The following COL6A5 variants were observed in gnomAD, a reference collection of about 807,000 sequenced individuals.
The protein encoded by COL6A5 is collagen type VI alpha 5 chain, also known as collagen alpha-5(VI) chain.
COL6A5 carries 48 observed loss-of-function variants against 65.6 expected under a neutral mutation model. The ratio of observed to expected loss-of-function variants is 0.73; its 90% CI spans 0.58 to 0.93. The LOEUF is 0.93. Ranked by LOEUF, COL6A5 falls within the 40% of genes least tolerant of loss-of-function variation. The pLI, the probability that COL6A5 is intolerant of heterozygous loss-of-function variation, is 0.00. For synonymous variants in COL6A5, 291 were observed against 322.8 expected, an observed-to-expected ratio of 0.90 and a Z score of 1.05; for missense variants, 914 against 928.3, an observed-to-expected ratio of 0.98 and a Z score of 0.20.
chr3:130,446,201 A>G (rs556261003), intron 4 of COL6A5, among the ~76,000 whole-genome samples: 26 of 152,286 alleles, frequency 1.7e-4, no homozygotes, highest in Admixed American at 1.4e-3. Context: ...CTGGTTGAGC[A>G]GGGCAATGGT....
intron 28 of COL6A5, 135 bp from the exon 29 acceptor site, chr3:130,423,703 A>G (rs1937553700): frequency 1.7e-6 from 1 of 578,686 alleles, no homozygotes; most frequent in Non-Finnish European, 3.0e-6. Context: ...ACAAGTAAGC[A>G]ATTTACCTGA....
intron 5 of COL6A5, among the ~76,000 whole-genome samples, chr3:130,467,658 C>A (rs951370277): frequency 1.3e-5 from 2 of 152,020 alleles, no homozygotes; most frequent in African/African-American, 4.8e-5. Context: ...CAAAAATTAT[C>A]TAATATAGCA....
At chr3:130,450,521 T>C (rs1709408391) in intron 4 of COL6A5, among the ~76,000 whole-genome samples, 2 of 152,152 alleles carry the variant, frequency 1.3e-5, no homozygotes, top group South Asian at 4.1e-4. Context: ...TTTGTGGGTG[T>C]CTGATCCAAT....
intron 1 of COL6A5, among the ~76,000 whole-genome samples, chr3:130,372,844 A>G (rs1269530204): frequency 6.6e-6 from 1 of 152,188 alleles, no homozygotes; most frequent in Non-Finnish European, 1.5e-5. Flanking sequence ...AAGGACTCTA[A>G]AAATCAGCCC....
At chr3:130,385,037 A>C (rs1936134613) in exon 5 of COL6A5, 2 of 1,550,798 alleles carry the variant, frequency 1.3e-6, no homozygotes, top group Non-Finnish European at 1.7e-6. Flanking sequence ...TATTTTTAAC[A>C]TTAAGCAACT....
At chr3:130,469,929 A>G (rs1489766142) in intron 6 of COL6A5, among the ~76,000 whole-genome samples, 1 of 152,010 alleles carries the variant, frequency 6.6e-6, no homozygotes, top group Non-Finnish European at 1.5e-5. Context: ...CCCCAGGGCT[A>G]TGCTGTTGTC....
At chr3:130,482,420 C>G (rs998745282) in intron 7 of COL6A5, among the ~76,000 whole-genome samples, 1 of 152,112 alleles carries the variant, frequency 6.6e-6, no homozygotes, top group Non-Finnish European at 1.5e-5. Flanking sequence ...GTGTTGATAC[C>G]AATACCATGC....
chr3:130,362,316 ATATATATATATTTTT>A lies in COL6A5; in HGVS notation c.-28-11293_-28-11279del, dbSNP rs1362412484. Among the ~76,000 whole-genome samples, 95 of 16,406 alleles carry A rather than the reference ATATATATATATTTTT, an allele frequency of 5.8e-3. 2 individuals are homozygous for A. Among genetic ancestry groups the A allele is most frequent in the African/African-American group, 0.024 (74 of 3,066 alleles). The allele number at this position is 16,406 out of a possible 152,430, so 10.8% of individuals were successfully genotyped here. ...TATATATATATATATATATATATAT[ATATATATATATTTTT>A]TTTTTTTTTTTTTTTTGCATGTGGA... is the stretch of plus-strand genomic sequence containing the variant. On this transcript the variant is annotated intron_variant and NMD_transcript_variant, in intron 1 of 41. Coordinates refer to the COL6A5 transcript ENST00000312481.
At chr3:130,416,479 G>A (rs563583752) in intron 23 of COL6A5, among the ~76,000 whole-genome samples, 2 of 152,240 alleles carry the variant, frequency 1.3e-5, no homozygotes, top group South Asian at 4.1e-4. Flanking sequence ...GGAATAGCAT[G>A]TGTTGACTCA....
chr3:130,423,954 T>C, intron 29 of COL6A5, 54 bp downstream of exon 29: 5 of 1,350,762 alleles, frequency 3.7e-6, no homozygotes, highest in Non-Finnish European at 5.1e-6. Context: ...GTATGTTCCA[T>C]GGAAAGGGCA....
intron 1 of COL6A5, among the ~76,000 whole-genome samples, chr3:130,370,086 C>T (rs756371138): frequency 2.6e-5 from 4 of 152,286 alleles, no homozygotes; most frequent in East Asian, 1.9e-4. Flanking sequence ...AAGTATCACT[C>T]ATTCATGCTA....
At chr3:130,370,074 T>G (rs925161760) in intron 1 of COL6A5, among the ~76,000 whole-genome samples, 120 of 152,272 alleles carry the variant, frequency 7.9e-4, no homozygotes, top group Admixed American at 2.1e-3. Context: ...ATTAATTCCT[T>G]AAAGTATCAC....
rs912077474 is a variant in COL6A5 at position 130,475,559 on chromosome 3, G to A, written c.2328+4592G>A. Among the ~76,000 whole-genome samples, 31 of 151,922 alleles carry A rather than the reference G, an allele frequency of 2.0e-4. 1 individual carries two copies. Among genetic ancestry groups the A allele is most frequent in the Non-Finnish European group, 1.5e-5 (1 of 67,976 alleles). On this transcript the variant is annotated intron_variant, in intron 7 of 7. Coordinates refer to ENST00000512836, the Ensembl canonical transcript of COL6A5. ...CCTCTGGAATAAAGACAAAATAAAG[G>A]CATTCTCAGATGAAGGAAAATTAAG... is the stretch of plus-strand genomic sequence containing the variant.
At chr3:130,388,883 AG>A in exon 6 of COL6A5, 1 of 1,550,202 alleles carries the variant, frequency 6.5e-7, no homozygotes, top group Admixed American at 2.0e-5. Context: ...ACCCACTCCA[AG>A]GGGGCCCGTT....
At chr3:130,385,791 A>G (rs2107647662) in intron 5 of COL6A5, among the ~76,000 whole-genome samples, 1 of 152,096 alleles carries the variant, frequency 6.6e-6, no homozygotes, top group Non-Finnish European at 1.5e-5. Flanking sequence ...TTAGGGTTTG[A>G]CTCACATACT....
intron 1 of COL6A5, among the ~76,000 whole-genome samples, chr3:130,348,887 T>C (rs1189082700): frequency 1.3e-5 from 2 of 152,000 alleles, no homozygotes; most frequent in Non-Finnish European, 2.9e-5. Context: ...TGATGAGCTT[T>C]TTTTTATGTT....
chr3:130,426,077 G>T (rs1937596130), intron 29 of COL6A5, 137 bp from the exon 30 acceptor site: 3 of 775,180 alleles, frequency 3.9e-6, no homozygotes, highest in Non-Finnish European at 6.3e-6. Flanking sequence ...AATCCACTGG[G>T]TTCAGGAATA....
At chr3:130,451,116 A>T (rs1428157089) in intron 4 of COL6A5, among the ~76,000 whole-genome samples, 1 of 152,186 alleles carries the variant, frequency 6.6e-6, no homozygotes, top group Non-Finnish European at 1.5e-5. Flanking sequence ...GCTTCCTTAA[A>T]CTGTTTTAAA....
intron 5 of COL6A5, among the ~76,000 whole-genome samples, chr3:130,387,880 T>A (rs1936253834): frequency 6.6e-6 from 1 of 151,938 alleles, no homozygotes; most frequent in Admixed American, 6.6e-5. Flanking sequence ...TTTATATGTG[T>A]ACATATGTCT....
Sources: allele counts gnomAD v4.1 joint callset (sites outside exome capture counted in the v4.1 genomes callset), GRCh38; gene constraint gnomAD v4.1.1; transcripts MANE v1.5; gene names NCBI Gene and HGNC (gene_info 2026-07-23, HGNC 2026-07-21).